The following NAALADL2 variants were observed in gnomAD, a reference collection of about 807,000 sequenced individuals.
NAALADL2 encodes inactive N-acetylated-alpha-linked acidic dipeptidase-like protein 2.
Under a neutral mutation model 87.2 loss-of-function variants are expected in NAALADL2, and 76 were observed. The ratio of observed to expected loss-of-function variants is 0.87; its 90% CI spans 0.72 to 1.05. The LOEUF is 1.05. NAALADL2 is among the 50% of genes least tolerant of loss of function. The pLI, the probability that NAALADL2 is intolerant of heterozygous loss-of-function variation, is 0.00. For missense variants in NAALADL2, 1,089 were observed against 945.8 expected (o/e 1.15, Z -1.99); for synonymous variants, 354 against 331.0 (o/e 1.07, Z -0.75).
At chr3:175,237,046 G>C (rs1746027562) in intron 3 of NAALADL2, among the ~76,000 whole-genome samples, 2 of 152,054 alleles carry the variant, frequency 1.3e-5, no homozygotes, top group Non-Finnish European at 2.9e-5. Flanking sequence ...ACAACTGAAT[G>C]TCATCTCATT....
chr3:175,071,422 T>C (rs1215578854), intron 1 of NAALADL2, among the ~76,000 whole-genome samples: 2 of 152,116 alleles, frequency 1.3e-5, no homozygotes, highest in African/African-American at 4.8e-5. Context: ...TAAGTTAATA[T>C]GGAAGTCATT....
intron 4 of NAALADL2, among the ~76,000 whole-genome samples, chr3:175,281,741 T>C (rs1754335869): frequency 6.6e-6 from 1 of 151,980 alleles, no homozygotes; most frequent in African/African-American, 2.4e-5. Context: ...TATTTCAATA[T>C]TGTTTATACA....
intron 10 of NAALADL2, among the ~76,000 whole-genome samples, chr3:175,616,394 A>G (rs1042874769): frequency 6.6e-6 from 1 of 151,854 alleles, no homozygotes; most frequent in South Asian, 2.1e-4. Context: ...AAAAATCTAC[A>G]TATATTTACA....
intron 9 of NAALADL2, among the ~76,000 whole-genome samples, chr3:175,559,633 C>T (rs11720330): frequency 0.64 from 97,233 of 151,978 alleles, 33,857 homozygotes; most frequent in East Asian, 0.83. Flanking sequence ...AGTTTTTTGA[C>T]GGTTTTATCA....
intron 5 of NAALADL2, among the ~76,000 whole-genome samples, chr3:175,326,119 G>A (rs537082821): frequency 2.6e-5 from 4 of 152,292 alleles, no homozygotes; most frequent in African/African-American, 7.2e-5. Flanking sequence ...ATATTCTTCT[G>A]CCACATAACT....
chr3:175,055,024 T>C (rs1711820767), intron 1 of NAALADL2, among the ~76,000 whole-genome samples: 1 of 152,202 alleles, frequency 6.6e-6, no homozygotes, highest in Non-Finnish European at 1.5e-5. Flanking sequence ...GCAGGTTGAA[T>C]TGGCCACACG....
At chr3:175,365,134 C>T (rs945585397) in intron 5 of NAALADL2, among the ~76,000 whole-genome samples, 6 of 147,336 alleles carry the variant, frequency 4.1e-5, no homozygotes, top group African/African-American at 1.5e-4. Flanking sequence ...ATATTATTAA[C>T]ACTACTTTGA....
chr3:174,628,163 A>G (rs1721753600), intron 2 of NAALADL2, among the ~76,000 whole-genome samples: 1 of 152,164 alleles, frequency 6.6e-6, no homozygotes, highest in African/African-American at 2.4e-5. Context: ...CAAGTCATAG[A>G]GTGGAAAATG....
chr3:175,142,441 A>G (rs550789638), intron 2 of NAALADL2, among the ~76,000 whole-genome samples: 1 of 152,010 alleles, frequency 6.6e-6, no homozygotes, highest in Non-Finnish European at 1.5e-5. Context: ...AATCCTCTCA[A>G]CAACCTTATG....
chr3:174,581,481 G>T (rs1490617406), intron 2 of NAALADL2, among the ~76,000 whole-genome samples: 2 of 152,050 alleles, frequency 1.3e-5, no homozygotes, highest in Admixed American at 1.3e-4. Context: ...CTAAAAAAAA[G>T]TGCAAGCAAC....
chr3:174,611,632 C>A (rs1040609528), intron 2 of NAALADL2, among the ~76,000 whole-genome samples: 12 of 152,228 alleles, frequency 7.9e-5, no homozygotes, highest in African/African-American at 2.9e-4. Context: ...TGCTCCATCA[C>A]CCAGGCTGGA....
intron 2 of NAALADL2, among the ~76,000 whole-genome samples, chr3:175,181,110 G>A (rs1030319615): frequency 1.3e-5 from 2 of 151,972 alleles, no homozygotes; most frequent in Admixed American, 1.3e-4. Flanking sequence ...GTCTGTTAGC[G>A]TTTTGGTGAG....
chr3:175,038,909 G>A (rs1049291808), intron 1 of NAALADL2, among the ~76,000 whole-genome samples: 2 of 152,032 alleles, frequency 1.3e-5, no homozygotes, highest in African/African-American at 4.8e-5. Flanking sequence ...AATTGGTACT[G>A]TCCAAACCAG....
At chr3:174,735,073 G>A (rs971820332) in intron 2 of NAALADL2, among the ~76,000 whole-genome samples, 1 of 152,096 alleles carries the variant, frequency 6.6e-6, no homozygotes, top group Admixed American at 6.5e-5. Flanking sequence ...ACACTTTATA[G>A]CTTTCAAGTA....
rs377423145 is a variant in NAALADL2, at chr3:175,409,328, T to C, written c.1091-37901T>C. ...ATGTTAATTGAGCTAAGTGCCTACCTACTTGTGGCAAAAGTTGTCCAGGAT... is the reference window on the plus strand; with the variant it reads ...ATGTTAATTGAGCTAAGTGCCTACCCACTTGTGGCAAAAGTTGTCCAGGAT... On this transcript the variant is annotated intron_variant, in intron 5 of 13. Coordinates refer to ENST00000454872, the MANE Select transcript of NAALADL2 (RefSeq NM_207015.3). Among the ~76,000 whole-genome samples, 118 of 152,048 alleles carry C rather than the reference T, an allele frequency of 7.8e-4. 2 individuals are homozygous for C. In the South Asian group the frequency reaches 0.023, roughly 30 times the overall value.
rs542182284 is a variant in NAALADL2, at chr3:175,104,833, G to A, written c.545+7542G>A. Among the ~76,000 whole-genome samples the A allele has an allele frequency of 4.6e-5, 7 of 152,172 alleles. No individual in the cohort carries two copies. The East Asian group carries it at 1.4e-3, about 29-fold the overall frequency. Reference sequence around the variant, plus strand: ...CATTGTCTGAAGTTTAATCAGAAAAGGAATACATAGGATAAGATTGATTTA... The same window carrying A: ...CATTGTCTGAAGTTTAATCAGAAAAAGAATACATAGGATAAGATTGATTTA... On this transcript the variant is annotated intron_variant, in intron 2 of 13. Coordinates refer to ENST00000454872, the MANE Select transcript of NAALADL2 (RefSeq NM_207015.3).
chr3:174,892,921 CAAAAAA>C (rs35081771), intron 1 of NAALADL2, among the ~76,000 whole-genome samples: 1 of 108,544 alleles, frequency 9.2e-6, no homozygotes, highest in Non-Finnish European at 1.9e-5. Context: ...GACTCCAACT[CAAAAAA>C]AAAAAAAAAA....
At chr3:175,588,534 C>CTTTTTTTGTTTTT in intron 10 of NAALADL2, among the ~76,000 whole-genome samples, 1 of 78,142 alleles carries the variant, frequency 1.3e-5, no homozygotes, top group Non-Finnish European at 2.4e-5. Context: ...TCTTTCTTTT[C>CTTTTTTTGTTTTT]TTTTTTTTTT....
intron 11 of NAALADL2, chr3:175,718,552 A>G (rs1741727023): frequency 1.9e-6 from 3 of 1,592,236 alleles, no homozygotes; most frequent in Middle Eastern, 1.7e-4. Flanking sequence ...TGTCTTCGTC[A>G]TCTTCTAGAT....
Sources: allele counts gnomAD v4.1 joint callset (sites outside exome capture counted in the v4.1 genomes callset), GRCh38; gene constraint gnomAD v4.1.1; transcripts MANE v1.5; gene names NCBI Gene and HGNC (gene_info 2026-07-23, HGNC 2026-07-21).